Variants in C4BPA observed in about 807,000 individuals in gnomAD.
The protein encoded by C4BPA is C4b-binding protein alpha chain.
In C4BPA, 31 loss-of-function variants were observed where a neutral mutation model predicts 63.7. The observed-to-expected ratio is 0.49, with a 90% CI of 0.37 to 0.66. C4BPA has a LOEUF of 0.66. Among genes scored for constraint, C4BPA ranks in the 30% least tolerant of loss-of-function variants. C4BPA has a pLI of 0.00. For synonymous variants in C4BPA, 259 were observed against 254.7 expected (o/e 1.02, Z -0.16); for missense variants, 572 against 723.3 (o/e 0.79, Z 2.40).
intron 9 of C4BPA, among the ~76,000 whole-genome samples, chr1:207,139,486 T>G (rs1032515643): frequency 5.3e-5 from 8 of 152,100 alleles, no homozygotes; most frequent in Non-Finnish European, 1.0e-4. Flanking sequence ...GTGAGATGGG[T>G]GGACAGTAGC....
intron 6 of C4BPA, among the ~76,000 whole-genome samples, chr1:207,125,073 A>C (rs1572786724): frequency 8.7e-6 from 1 of 114,952 alleles, no homozygotes; most frequent in South Asian, 2.4e-4. Context: ...AGTCTAAGGA[A>C]TCTTACTTTA....
chr1:207,140,962 G>A lies in C4BPA; in HGVS notation c.1274-144G>A. ...AGGCTTACAGGAGGAGAGCAGAAGTGTCTGGGTTTGGCTACGTGCTCTTAC... is the reference window on the plus strand; with the variant it reads ...AGGCTTACAGGAGGAGAGCAGAAGTATCTGGGTTTGGCTACGTGCTCTTAC... On this transcript the variant is annotated intron_variant, in intron 9 of 11. Coordinates refer to ENST00000367070, the MANE Select transcript of C4BPA (RefSeq NM_000715.4). 4 of 563,820 alleles carry A rather than the reference G, an allele frequency of 7.1e-6. No individual in the cohort carries two copies. The South Asian group carries it at 8.5e-5, about 12-fold the overall frequency. 34.9% of individuals were successfully genotyped at this position (563,820 alleles called of 1,614,324 possible).
At chr1:207,142,166 A>G (rs1232599209) in intron 10 of C4BPA, among the ~76,000 whole-genome samples, 1,342 of 101,520 alleles carry the variant, frequency 0.013, no homozygotes, top group African/African-American at 0.015. Context: ...GAGAACATGC[A>G]GTGTTTGGTT....
intron 10 of C4BPA, 135 bp downstream of exon 10, chr1:207,141,411 C>A (rs1375072303): frequency 6.6e-6 from 4 of 601,760 alleles, no homozygotes; most frequent in East Asian, 5.6e-5. Context: ...TCAATATATG[C>A]AAATGGTACC....
chr1:207,114,050 C>T (rs757197172), intron 2 of C4BPA, 50 bp from the exon 3 acceptor site: 4 of 1,456,970 alleles, frequency 2.7e-6, no homozygotes, highest in Non-Finnish European at 2.8e-6. Context: ...CAATAAGATG[C>T]TGTGTCCCAA....
chr1:207,132,251 C>T (rs1172355107), intron 8 of C4BPA, among the ~76,000 whole-genome samples: 2 of 152,168 alleles, frequency 1.3e-5, no homozygotes, highest in Non-Finnish European at 2.9e-5. Flanking sequence ...AGCATTCTCA[C>T]TTCGTAAGGA....
intron 6 of C4BPA, among the ~76,000 whole-genome samples, chr1:207,125,654 T>C (rs1444273619): frequency 6.6e-6 from 1 of 152,082 alleles, no homozygotes; most frequent in Admixed American, 6.5e-5. Flanking sequence ...GGCACCATCT[T>C]GAAAGGGGAG....
chr1:207,122,720 A>G (rs1684945191), intron 4 of C4BPA, among the ~76,000 whole-genome samples: 1 of 148,698 alleles, frequency 6.7e-6, no homozygotes, highest in South Asian at 2.2e-4. Flanking sequence ...ACTACAGGAG[A>G]GCAGCACCAT....
At chr1:207,123,014 T>G (rs1684951741) in intron 4 of C4BPA, among the ~76,000 whole-genome samples, 1 of 152,226 alleles carries the variant, frequency 6.6e-6, no homozygotes, top group Non-Finnish European at 1.5e-5. Flanking sequence ...TTCATTTTTG[T>G]TGATTTTCTC....
intron 1 of C4BPA, among the ~76,000 whole-genome samples, chr1:207,106,677 G>A (rs1055567506): frequency 1.3e-5 from 2 of 152,090 alleles, no homozygotes; most frequent in African/African-American, 2.4e-5. Context: ...TCCTGACCTC[G>A]TGATCTGCCT....
intron 9 of C4BPA, among the ~76,000 whole-genome samples, chr1:207,137,375 G>C (rs762252888): frequency 6.6e-6 from 1 of 152,208 alleles, no homozygotes; most frequent in Non-Finnish European, 1.5e-5. Flanking sequence ...CAAGGTGGTC[G>C]GGGTACAGCT....
chr1:207,131,800 C>A, intron 8 of C4BPA, 60 bp downstream of exon 8: 1 of 1,122,134 alleles, frequency 8.9e-7, no homozygotes, highest in South Asian at 1.5e-5. Flanking sequence ...CTAGGATTCT[C>A]TACCTTAAAT....
At chr1:207,105,636 T>C (rs973983546) in intron 1 of C4BPA, among the ~76,000 whole-genome samples, 2 of 151,498 alleles carry the variant, frequency 1.3e-5, no homozygotes, top group Non-Finnish European at 2.9e-5. Context: ...TTCTGGAGTT[T>C]GTAAGTGATA....
chr1:207,136,523 C>T (rs1348495433), intron 9 of C4BPA, among the ~76,000 whole-genome samples: 1 of 152,128 alleles, frequency 6.6e-6, no homozygotes, highest in Non-Finnish European at 1.5e-5. Flanking sequence ...CATTCCATGC[C>T]CTGAATCCTA....
At chr1:207,135,934 G>T (rs1685271912) in intron 9 of C4BPA, among the ~76,000 whole-genome samples, 3 of 152,176 alleles carry the variant, frequency 2.0e-5, no homozygotes, top group Admixed American at 2.0e-4. Flanking sequence ...CTATGCCAAT[G>T]CCAATTGTTC....
chr1:207,124,109 C>T (rs1211225195), intron 5 of C4BPA, 66 bp from the exon 6 acceptor site: 1 of 1,537,484 alleles, frequency 6.5e-7, no homozygotes, highest in Non-Finnish European at 9.0e-7. Flanking sequence ...TTAGAATTTG[C>T]ATGAATTTTA....
chr1:207,124,515 C>G (rs1357221068), intron 6 of C4BPA, 149 bp downstream of exon 6: 1 of 643,088 alleles, frequency 1.6e-6, no homozygotes, highest in Admixed American at 2.9e-5. Context: ...CCACCTGATA[C>G]TTATTGCATG....
intron 4 of C4BPA, among the ~76,000 whole-genome samples, chr1:207,118,490 A>C (rs1182773077): frequency 1.3e-5 from 2 of 152,182 alleles, no homozygotes; most frequent in Non-Finnish European, 2.9e-5. Context: ...AGGGAGGAGA[A>C]GTGTTGAGTA....
At chr1:207,120,208 C>G (rs1191097687) in intron 4 of C4BPA, among the ~76,000 whole-genome samples, 1 of 152,132 alleles carries the variant, frequency 6.6e-6, no homozygotes, top group Admixed American at 6.6e-5. Context: ...GTTGACAGGT[C>G]TCAACCTCCA....
Sources: allele counts gnomAD v4.1 joint callset (sites outside exome capture counted in the v4.1 genomes callset), GRCh38; gene constraint gnomAD v4.1.1; transcripts MANE v1.5; gene names NCBI Gene and HGNC (gene_info 2026-07-23, HGNC 2026-07-21).